The following PCDH15 variants were observed in gnomAD, a reference collection of about 807,000 sequenced individuals.
The protein encoded by PCDH15 is protocadherin-15.
PCDH15 carries 129 observed loss-of-function variants against 178.5 expected under a neutral mutation model. The observed-to-expected ratio is 0.72, with a 90% CI of 0.63 to 0.84. The LOEUF (loss-of-function observed/expected upper bound fraction) is 0.84, where lower values mean the gene tolerates loss of function less well. PCDH15 is among the 40% of genes least tolerant of loss of function. PCDH15 has a pLI of 0.00. For missense variants in PCDH15, 2,230 were observed against 2,099.9 expected, an observed-to-expected ratio of 1.06 and a Z score of -1.21; for synonymous variants, 800 against 732.0, an observed-to-expected ratio of 1.09 and a Z score of -1.50.
At chr10:54,643,630 T>C (rs1031300150) in intron 2 of PCDH15, among the ~76,000 whole-genome samples, 2 of 152,056 alleles carry the variant, frequency 1.3e-5, no homozygotes, top group Admixed American at 6.5e-5. Context: ...AAAAAATACA[T>C]ACTTTTGTTC....
At position 54,196,550 on chromosome 10, in the gene PCDH15, T is replaced by G. The variant is rs529209261; in HGVS notation, c.1099-661A>C. Among the ~76,000 whole-genome samples, 6 of 152,308 alleles carry G rather than the reference T, an allele frequency of 3.9e-5. No individual in the cohort carries two copies. In the East Asian group the frequency reaches 1.2e-3, roughly 29 times the overall value. Reference sequence around the variant, plus strand: ...TTGAGTGTACCGCTGATAAAATATTTAAATAAAAGAAAAAAAGTAACACAA... The same window carrying G: ...TTGAGTGTACCGCTGATAAAATATTGAAATAAAAGAAAAAAAGTAACACAA... On this transcript the variant is annotated intron_variant, in intron 10 of 37. Coordinates refer to ENST00000644397, the MANE Select transcript of PCDH15 (RefSeq NM_001384140.1).
intron 8 of PCDH15, among the ~76,000 whole-genome samples, chr10:54,266,450 C>T (rs1463725578): frequency 6.6e-6 from 1 of 151,178 alleles, no homozygotes; most frequent in Admixed American, 6.6e-5. Flanking sequence ...AAATAAATAA[C>T]AAAAATAAGA....
At chr10:54,314,852 G>A (rs558741107) in intron 8 of PCDH15, among the ~76,000 whole-genome samples, 31 of 152,134 alleles carry the variant, frequency 2.0e-4, no homozygotes, top group South Asian at 1.2e-3. Flanking sequence ...CTATGTTCCC[G>A]CAAAAGACAA....
In PCDH15 at chr10:53,811,576, C is replaced by T. The variant is rs1042218506; in HGVS notation, c.4535G>A (p.Gly1512Glu). 1 of 1,572,406 alleles carries T rather than the reference C, an allele frequency of 6.4e-7. No homozygotes were observed. Among genetic ancestry groups the T allele is most frequent in the South Asian group, 1.2e-5 (1 of 81,650 alleles). ...ATGCTCATAACTGTAATAATCTTGT[C>T]CATATTCCTGGCCAGGATCAATTCC... ...ESGIDPGQEY[G>E]QDYYSYEHGY... Residue 1512 changes from glycine (G) to glutamate (E), a missense_variant, in exon 36 of 38, where the codon GGA becomes GAA. Physicochemically the swap from Gly to Glu is moderately conservative, Grantham distance 98. Coordinates refer to ENST00000644397, the MANE Select transcript of PCDH15 (RefSeq NM_001384140.1).
intron 2 of PCDH15, among the ~76,000 whole-genome samples, chr10:55,043,080 T>C (rs1174391201): frequency 6.6e-6 from 1 of 152,138 alleles, no homozygotes; most frequent in Admixed American, 6.6e-5. Flanking sequence ...ATACCATATG[T>C]GTTGCTCCTA....
intron 1 of PCDH15, among the ~76,000 whole-genome samples, chr10:55,281,614 T>C (rs1465263855): frequency 1.3e-5 from 2 of 152,142 alleles, no homozygotes; most frequent in African/African-American, 4.8e-5. Context: ...TTCATCCCAG[T>C]GCTTCACTTA....
chr10:54,040,061 T>G (rs1440233269), intron 18 of PCDH15, among the ~76,000 whole-genome samples: 3 of 152,044 alleles, frequency 2.0e-5, no homozygotes, highest in Non-Finnish European at 4.4e-5. Context: ...ATGCAAATCA[T>G]GCACTATACA....
intron 2 of PCDH15, among the ~76,000 whole-genome samples, chr10:54,645,411 AC>A (rs1445518636): frequency 6.6e-6 from 1 of 152,102 alleles, no homozygotes; most frequent in East Asian, 1.9e-4. Context: ...AGATAGAATA[AC>A]ACCCACACAC....
rs527679465 is a variant in PCDH15, at chr10:54,282,442, C to G, written c.876+34829G>C. Among the ~76,000 whole-genome samples the G allele has an allele frequency of 2.6e-5, 4 of 152,152 alleles. No homozygotes were observed. The South Asian group carries it at 8.3e-4, about 32-fold the overall frequency. On this transcript the variant is annotated intron_variant, in intron 8 of 37. Transcript: ENST00000644397. ...AATTTTAGAGATGAATTATAGCTGACATTTGAACACAAAGGAAAGGAGCCC... is the reference window on the plus strand; with the variant it reads ...AATTTTAGAGATGAATTATAGCTGAGATTTGAACACAAAGGAAAGGAGCCC...
chr10:53,958,471 C>T (rs917476581), intron 23 of PCDH15, among the ~76,000 whole-genome samples: 9 of 152,094 alleles, frequency 5.9e-5, no homozygotes, highest in African/African-American at 2.2e-4. Context: ...ATACTGTGAT[C>T]TTATTTCTAC....
At position 54,023,243 on chromosome 10, in the gene PCDH15, C is replaced by T. The variant is rs199703833; in HGVS notation, c.2221-46G>A. ...ACAAAAAAATTCACGTAAGTTTTGA[C>T]GGGCTACTGTAAATGAAGGTAACAG... is the stretch of plus-strand genomic sequence containing the variant. On this transcript the variant is annotated intron_variant, in intron 18 of 37. Transcript: ENST00000644397. The T allele has an allele frequency of 9.7e-5, 151 of 1,556,122 alleles. No individual in the cohort carries two copies. The South Asian group carries it at 1.1e-3, about 11-fold the overall frequency.
At chr10:54,168,756 C>T (rs1256659148) in intron 13 of PCDH15, among the ~76,000 whole-genome samples, 1 of 152,132 alleles carries the variant, frequency 6.6e-6, no homozygotes, top group African/African-American at 2.4e-5. Context: ...CCTAAAAGGT[C>T]AAAAGGCCGT....
intron 2 of PCDH15, chr10:54,528,365 G>T (rs1375877544): frequency 6.4e-6 from 10 of 1,561,996 alleles, no homozygotes; most frequent in Non-Finnish European, 7.8e-6. Context: ...GGTTGTTTGG[G>T]GTTTTTATTT....
intron 2 of PCDH15, among the ~76,000 whole-genome samples, chr10:55,447,133 A>G (rs1453338261): frequency 6.6e-6 from 1 of 152,122 alleles, no homozygotes; most frequent in Non-Finnish European, 1.5e-5. Flanking sequence ...TCAAGTAACA[A>G]TTATGATATT....
At chr10:54,059,876 C>T (rs986649838) in intron 18 of PCDH15, among the ~76,000 whole-genome samples, 14 of 152,154 alleles carry the variant, frequency 9.2e-5, no homozygotes, top group South Asian at 4.1e-4. Flanking sequence ...TAGAATAGTT[C>T]GTGGCACATT....
At chr10:54,896,358 C>A (rs1005355465) in intron 3 of PCDH15, among the ~76,000 whole-genome samples, 1 of 152,092 alleles carries the variant, frequency 6.6e-6, no homozygotes, top group South Asian at 2.1e-4. Context: ...AGCTGAGATA[C>A]ACGAGTTTGA....
intron 1 of PCDH15, among the ~76,000 whole-genome samples, chr10:55,249,619 A>C (rs1396669393): frequency 6.6e-6 from 1 of 152,152 alleles, no homozygotes; most frequent in Non-Finnish European, 1.5e-5. Flanking sequence ...TTTTAGTATA[A>C]ATTGCAATCT....
At chr10:55,170,330 T>A (rs577726555) in intron 1 of PCDH15, among the ~76,000 whole-genome samples, 53 of 151,792 alleles carry the variant, frequency 3.5e-4, no homozygotes, top group African/African-American at 1.3e-3. Flanking sequence ...AAAAAAAAAT[T>A]GCAGAGACAA....
intron 1 of PCDH15, among the ~76,000 whole-genome samples, chr10:54,705,469 C>A (rs931012952): frequency 2.0e-5 from 3 of 152,038 alleles, no homozygotes; most frequent in African/African-American, 7.2e-5. Flanking sequence ...CAATTTTGTG[C>A]AGTTTATCTC....
Sources: gnomAD v4.1 joint callset for allele counts (sites outside exome capture counted in the v4.1 genomes callset) on GRCh38, gnomAD v4.1.1 for gene constraint, MANE v1.5 for transcripts, NCBI Gene and HGNC (gene_info 2026-07-23, HGNC 2026-07-21) for gene names.